Variants in ROPN1B observed in about 807,000 individuals in gnomAD.
ROPN1B encodes the protein rhophilin associated tail protein 1B, also known as ropporin-1B.
Under a neutral mutation model 23.7 loss-of-function variants are expected in ROPN1B, and 13 were observed. The ratio of observed to expected loss-of-function variants is 0.55; its 90% CI spans 0.36 to 0.87. The LOEUF (loss-of-function observed/expected upper bound fraction) is 0.87, where lower values mean the gene tolerates loss of function less well. Ranked by LOEUF, ROPN1B falls within the 40% of genes least tolerant of loss-of-function variation. ROPN1B has a pLI of 0.01. For missense variants in ROPN1B, 183 were observed against 249.2 expected, an observed-to-expected ratio of 0.73 and a Z score of 1.79; for synonymous variants, 67 against 100.4, an observed-to-expected ratio of 0.67 and a Z score of 1.99.
At chr3:125,978,468 C>G (rs1938499013) in intron 5 of ROPN1B, among the ~76,000 whole-genome samples, 1 of 152,176 alleles carries the variant, frequency 6.6e-6, no homozygotes, top group Non-Finnish European at 1.5e-5. Flanking sequence ...GTAACTGAAA[C>G]AGCCTAAAGG....
intron 4 of ROPN1B, chr3:125,976,720 A>G (rs906280970): frequency 1.3e-5 from 8 of 610,080 alleles, no homozygotes; most frequent in Non-Finnish European, 2.1e-5. Flanking sequence ...ATACAATAGC[A>G]GATAAAAGCA....
At chr3:125,983,082 T>C (rs968828814) in intron 6 of ROPN1B, among the ~76,000 whole-genome samples, 172 bp from the exon 7 acceptor site, 1 of 152,148 alleles carries the variant, frequency 6.6e-6, no homozygotes, top group Non-Finnish European at 1.5e-5. Context: ...GAGCCGAGAT[T>C]GCATCACTTA....
intron 5 of ROPN1B, chr3:125,977,820 T>C (rs1938478539): frequency 6.6e-6 from 1 of 152,540 alleles, no homozygotes; most frequent in Non-Finnish European, 1.5e-5. Flanking sequence ...TGGACTTACA[T>C]TGTTAAACAT....
At chr3:125,978,775 T>C (rs1427726176) in intron 5 of ROPN1B, among the ~76,000 whole-genome samples, 1 of 152,282 alleles carries the variant, frequency 6.6e-6, no homozygotes, top group East Asian at 1.9e-4. Context: ...TGCTATCTGC[T>C]CCCTGGCTCT....
Position 125,977,017 on chromosome 3 carries a change from T to A in ROPN1B, c.248T>A (p.Leu83Gln), listed in dbSNP as rs1204285942. The A allele has an allele frequency of 1.1e-6, 1 of 894,340 alleles. No homozygotes were observed. Among genetic ancestry groups the A allele is most frequent in the East Asian group, 2.4e-5 (1 of 41,408 alleles). 55.4% of individuals were successfully genotyped at this position (894,340 alleles called of 1,614,324 possible). A position where few individuals can be genotyped will look rare whatever the true frequency, so the allele number is the denominator to read the frequency against. ...KILHSQVAGR[L>Q]IIRAEELAQM... is the part of the protein sequence containing the mutation. Reference sequence around the variant, plus strand: ...CCTGCCCTGCAGGTTGCTGGCAGACTGATCATCCGTGCAGAGGAGCTGGCC... The same window carrying A: ...CCTGCCCTGCAGGTTGCTGGCAGACAGATCATCCGTGCAGAGGAGCTGGCC... Residue 83 changes from leucine (L) to glutamine (Q), a missense_variant, in exon 5 of 7, where the codon CTG (leucine) becomes CAG (glutamine). By Grantham distance (113) the Leu-to-Gln change is moderately radical. Coordinates refer to ENST00000514116, the MANE Select transcript of ROPN1B (RefSeq NM_001308313.2).
chr3:125,976,471 T>A (rs1362571673), intron 4 of ROPN1B, among the ~76,000 whole-genome samples: 1 of 152,174 alleles, frequency 6.6e-6, no homozygotes, highest in South Asian at 2.1e-4. Context: ...TGGGATCAAG[T>A]AACATTAGGC....
chr3:125,981,745 C>T (rs1293742848), intron 5 of ROPN1B, among the ~76,000 whole-genome samples: 1 of 151,970 alleles, frequency 6.6e-6, no homozygotes, highest in African/African-American at 2.4e-5. Context: ...TTAGATGGAC[C>T]CAGATGCTTT....
At chr3:125,978,298 T>C (rs2107605432) in intron 5 of ROPN1B, among the ~76,000 whole-genome samples, 1 of 152,300 alleles carries the variant, frequency 6.6e-6, no homozygotes, top group Non-Finnish European at 1.5e-5. Context: ...TTTCATAGGT[T>C]TACAGATTTT....
At chr3:125,978,199 G>C (rs552418116) in intron 5 of ROPN1B, among the ~76,000 whole-genome samples, 2 of 152,268 alleles carry the variant, frequency 1.3e-5, no homozygotes, top group South Asian at 2.1e-4. Context: ...AGGAGGAAAG[G>C]AAAGTAAGCA....
At chr3:125,981,725 G>T (rs991053653) in intron 5 of ROPN1B, among the ~76,000 whole-genome samples, 1 of 152,130 alleles carries the variant, frequency 6.6e-6, no homozygotes, top group African/African-American at 2.4e-5. Context: ...AAAGCACTAG[G>T]TGATTCTATT....
At chr3:125,969,574 T>G (rs1938116884) in intron 1 of ROPN1B, 174 bp downstream of exon 1, 2 of 94,270 alleles carry the variant, frequency 2.1e-5, no homozygotes, top group Admixed American at 1.9e-4. Flanking sequence ...AATGTGACTG[T>G]GGGGGATTAT....
Position 125,983,417 on chromosome 3 carries a change from C to G in ROPN1B, c.*97C>G. 1 of 793,818 alleles carries G rather than the reference C, an allele frequency of 1.3e-6. No homozygotes were observed. Among genetic ancestry groups the G allele is most frequent in the Non-Finnish European group, 2.2e-6 (1 of 452,646 alleles). The allele number at this position is 793,818 out of a possible 1,614,324, so 49.2% of individuals were successfully genotyped here. ...ACCTAAAATCAATTTTCTTGTACAA[C>G]TGGTACACACTAATAAACAAACATG... On this transcript the variant is annotated 3_prime_UTR_variant, in exon 7 of 7. Transcript: ENST00000514116.
intron 1 of ROPN1B, among the ~76,000 whole-genome samples, chr3:125,969,861 C>A (rs1938130832): frequency 6.6e-6 from 1 of 150,852 alleles, no homozygotes; most frequent in Admixed American, 6.6e-5. Context: ...TATTTTATAC[C>A]TGGCACTTCA....
At chr3:125,982,101 A>G (rs1256967881) in intron 5 of ROPN1B, among the ~76,000 whole-genome samples, 169 bp from the exon 6 acceptor site, 1 of 152,252 alleles carries the variant, frequency 6.6e-6, no homozygotes, top group Admixed American at 6.5e-5. Flanking sequence ...ATTTTTTAGA[A>G]TGAATTAGTG....
intron 1 of ROPN1B, chr3:125,969,732 G>A (rs1938124351): frequency 6.6e-6 from 1 of 152,376 alleles, no homozygotes; most frequent in African/African-American, 2.4e-5. Flanking sequence ...ATCAGCGACA[G>A]GGATATAAAA....
chr3:125,974,082 C>T (rs1938311870), intron 3 of ROPN1B, among the ~76,000 whole-genome samples: 1 of 152,208 alleles, frequency 6.6e-6, no homozygotes, highest in African/African-American at 2.4e-5. Flanking sequence ...TCCATGTTGT[C>T]TAACCAATTC....
At chr3:125,970,626 A>G (rs1938165100) in intron 1 of ROPN1B, among the ~76,000 whole-genome samples, 1 of 152,158 alleles carries the variant, frequency 6.6e-6, no homozygotes, top group Admixed American at 6.5e-5. Flanking sequence ...ACACCCAAGA[A>G]TGATCAATAA....
Position 125,982,404 on chromosome 3 carries a change from A to G in ROPN1B, c.531A>G (p.Ala177=). ...YIAEVDGEIC[A]SHVSRMLNYI... Reference sequence around the variant, plus strand: ...CCGAAGTGGATGGGGAGATCTGTGCATCACATGTCAGCAGGATGCTAAACT... The same window carrying G: ...CCGAAGTGGATGGGGAGATCTGTGCGTCACATGTCAGCAGGATGCTAAACT... The change falls in exon 6 of 7, where the codon GCA becomes GCG. Residue 177 remains alanine (A), a synonymous_variant. Coordinates refer to ENST00000514116, the MANE Select transcript of ROPN1B (RefSeq NM_001308313.2). 6.2e-7 allele frequency: 1 copy of G among 1,611,440 alleles called. No homozygotes were observed. Among genetic ancestry groups the G allele is most frequent in the Non-Finnish European group, 8.5e-7 (1 of 1,179,360 alleles).
rs573606741 is a variant in ROPN1B, at chr3:125,982,419, G to A, written c.546G>A (p.Arg182=). The A allele has an allele frequency of 6.2e-7, 1 of 1,605,306 alleles. No individual in the cohort carries two copies. The highest frequency in any genetic ancestry group is 2.2e-5 in the East Asian group (1 of 44,718). Residue 182 remains arginine, a synonymous_variant, in exon 6 of 7, where the codon AGG becomes AGA. Coordinates refer to ENST00000514116, the MANE Select transcript of ROPN1B (RefSeq NM_001308313.2). ...AGATCTGTGCATCACATGTCAGCAG[G>A]ATGCTAAACTACATTGAACAGGAAG... The part of the protein sequence containing the change: ...DGEICASHVS[R]MLNYIEQEVI...
Sources: allele counts gnomAD v4.1 joint callset (sites outside exome capture counted in the v4.1 genomes callset), GRCh38; gene constraint gnomAD v4.1.1; transcripts MANE v1.5; gene names NCBI Gene and HGNC (gene_info 2026-07-23, HGNC 2026-07-21).